The following FHOD3 variants were observed in gnomAD, a reference collection of about 807,000 sequenced individuals.
The protein encoded by FHOD3 is formin homology 2 domain containing 3, also known as FH1/FH2 domain-containing protein 3.
In FHOD3, 90 loss-of-function variants were observed where a neutral mutation model predicts 173.0. The ratio of observed to expected loss-of-function variants is 0.52; its 90% CI spans 0.44 to 0.62. FHOD3 has a LOEUF of 0.62. Ranked by LOEUF, FHOD3 falls within the 20% of genes least tolerant of loss-of-function variation. FHOD3 has a pLI of 0.00. For synonymous variants in FHOD3, 828 were observed against 823.0 expected (o/e 1.01, Z -0.10); for missense variants, 1,945 against 2,034.7 (o/e 0.96, Z 0.85).
intron 1 of FHOD3, among the ~76,000 whole-genome samples, chr18:36,347,981 A>G (rs1296725764): frequency 6.6e-6 from 1 of 152,218 alleles, no homozygotes; most frequent in African/African-American, 2.4e-5. Flanking sequence ...GCAGAGGACA[A>G]CCTCAGAGTG....
intron 1 of FHOD3, among the ~76,000 whole-genome samples, chr18:36,333,079 C>T (rs868562859): frequency 2.8e-4 from 42 of 152,350 alleles, no homozygotes; most frequent in African/African-American, 8.9e-4. Flanking sequence ...CTGCCCTTAG[C>T]CAATGGCAGC....
intron 24 of FHOD3, among the ~76,000 whole-genome samples, chr18:36,753,488 A>G (rs2042493888): frequency 6.6e-6 from 1 of 152,212 alleles, no homozygotes; most frequent in African/African-American, 2.4e-5. Context: ...GGTTGTTTCC[A>G]CTTTCAGCTA....
intron 3 of FHOD3, among the ~76,000 whole-genome samples, chr18:36,409,825 G>A (rs556131538): frequency 6.6e-6 from 1 of 152,286 alleles, no homozygotes; most frequent in African/African-American, 2.4e-5. Flanking sequence ...CCTGAAGGTG[G>A]CTTTGGGGTG....
intron 14 of FHOD3, among the ~76,000 whole-genome samples, chr18:36,675,893 C>G (rs373603743): frequency 6.6e-6 from 1 of 152,224 alleles, no homozygotes; most frequent in East Asian, 1.9e-4. Flanking sequence ...ATAAACTACC[C>G]TATTTTTGGT....
At chr18:36,617,882 C>T (rs1340286767) in intron 9 of FHOD3, among the ~76,000 whole-genome samples, 2 of 152,070 alleles carry the variant, frequency 1.3e-5, no homozygotes, top group Non-Finnish European at 2.9e-5. Flanking sequence ...CCTATTGTTA[C>T]AGGATCAATT....
intron 3 of FHOD3, among the ~76,000 whole-genome samples, chr18:36,388,161 T>G (rs1337077855): frequency 6.6e-6 from 1 of 152,166 alleles, no homozygotes; most frequent in Non-Finnish European, 1.5e-5. Context: ...GCTCATAAAT[T>G]ACTAATTATA....
chr18:36,710,709 G>T (rs2040125567), intron 18 of FHOD3: 1 of 152,166 alleles, frequency 6.6e-6, no homozygotes, highest in Non-Finnish European at 1.5e-5. Context: ...GAATATGTAT[G>T]TGCCAAGAGG....
At chr18:36,590,137 C>A (rs528423677) in intron 6 of FHOD3, among the ~76,000 whole-genome samples, 1 of 152,194 alleles carries the variant, frequency 6.6e-6, no homozygotes, top group Admixed American at 6.5e-5. Flanking sequence ...CCCGATTTGC[C>A]TCTTCTCAGC....
intron 25 of FHOD3, among the ~76,000 whole-genome samples, chr18:36,756,555 G>A (rs992256004): frequency 6.6e-6 from 1 of 152,142 alleles, no homozygotes; most frequent in Non-Finnish European, 1.5e-5. Context: ...CGCCCTATGT[G>A]CACAGACATG....
chr18:36,609,649 G>A (rs562118073), intron 8 of FHOD3, among the ~76,000 whole-genome samples: 50 of 137,438 alleles, frequency 3.6e-4, no homozygotes, highest in East Asian at 3.4e-3. Flanking sequence ...TTGCTCTGTC[G>A]CCCAGGCTGG....
chr18:36,664,074 A>G (rs916949115), intron 14 of FHOD3, among the ~76,000 whole-genome samples: 6 of 152,240 alleles, frequency 3.9e-5, no homozygotes, highest in Non-Finnish European at 5.9e-5. Flanking sequence ...TCACTTGGTC[A>G]ACCCAATACT....
intron 20 of FHOD3, among the ~76,000 whole-genome samples, chr18:36,737,699 C>G (rs763191675): frequency 6.6e-6 from 1 of 152,178 alleles, no homozygotes; most frequent in Non-Finnish European, 1.5e-5. Flanking sequence ...AAACTAAGGC[C>G]GCTCTGCCTG....
At chr18:36,596,321 ATTTTTTTTTTTT>A (rs539907617) in intron 7 of FHOD3, among the ~76,000 whole-genome samples, 624 of 57,530 alleles carry the variant, frequency 0.011, 9 homozygotes, top group Middle Eastern at 0.1. Flanking sequence ...TGCCCAGCTA[ATTTTTTTTTTTT>A]TTTTTTTTTT....
chr18:36,493,570 A>T (rs1343344041), intron 3 of FHOD3, among the ~76,000 whole-genome samples: 1 of 152,162 alleles, frequency 6.6e-6, no homozygotes, highest in Non-Finnish European at 1.5e-5. Context: ...GTCATTTTGT[A>T]GAGGCTGTCT....
At chr18:36,679,151 T>C (rs1308143951) in intron 14 of FHOD3, among the ~76,000 whole-genome samples, 1 of 152,146 alleles carries the variant, frequency 6.6e-6, no homozygotes, top group Non-Finnish European at 1.5e-5. Context: ...ATTTGGTCAA[T>C]TATATGTTTT....
At chr18:36,595,263 A>T (rs2030135012) in intron 7 of FHOD3, among the ~76,000 whole-genome samples, 1 of 151,026 alleles carries the variant, frequency 6.6e-6, no homozygotes, top group Admixed American at 6.6e-5. Context: ...ATTGCTTATG[A>T]CCCCCAGATG....
intron 5 of FHOD3, among the ~76,000 whole-genome samples, chr18:36,533,171 T>C (rs991341711): frequency 6.6e-6 from 1 of 152,246 alleles, no homozygotes; most frequent in African/African-American, 2.4e-5. Context: ...CAGATGTTAG[T>C]GCTTGGAACT....
At position 36,365,048 on chromosome 18, in the gene FHOD3, G is replaced by T. The variant is rs550132697; in HGVS notation, c.273-7632G>T. Among the ~76,000 whole-genome samples, 5 of 152,262 alleles carry T rather than the reference G, an allele frequency of 3.3e-5. No homozygotes were observed. The East Asian group carries it at 7.7e-4, about 24-fold the overall frequency. ...GGGTACGTGAGGGTGGAAGACAAGA[G>T]AATGAGCTAATCAAGATGTCAAGGA... On this transcript the variant is annotated intron_variant, in intron 2 of 28. Transcript: ENST00000590592.
At chr18:36,676,909 G>A (rs1222631268) in intron 14 of FHOD3, among the ~76,000 whole-genome samples, 1 of 152,098 alleles carries the variant, frequency 6.6e-6, no homozygotes, top group Admixed American at 6.5e-5. Context: ...CTAATCCTTT[G>A]TAGTTTATAT....
Sources: allele counts gnomAD v4.1 joint callset (sites outside exome capture counted in the v4.1 genomes callset), GRCh38; gene constraint gnomAD v4.1.1; transcripts MANE v1.5; gene names NCBI Gene and HGNC (gene_info 2026-07-23, HGNC 2026-07-21).